Variants in ARID2 observed in about 807,000 individuals in gnomAD.
ARID2 encodes the protein AT-rich interaction domain 2, also known as AT-rich interactive domain-containing protein 2.
In ARID2, 32 loss-of-function variants were observed where a neutral mutation model predicts 184.6. The ratio of observed to expected loss-of-function variants is 0.17; its 90% CI spans 0.13 to 0.23. The LOEUF is 0.23. Ranked by LOEUF, ARID2 falls within the 10% of genes least tolerant of loss-of-function variation. The pLI, the probability that ARID2 is intolerant of heterozygous loss-of-function variation, is 1.00. For missense variants in ARID2, 1,696 were observed against 2,197.6 expected, an observed-to-expected ratio of 0.77 and a Z score of 4.56; for synonymous variants, 836 against 772.6, an observed-to-expected ratio of 1.08 and a Z score of -1.36.
At chr12:45,862,405 G>A (rs1943764605) in intron 16 of ARID2, among the ~76,000 whole-genome samples, 1 of 151,868 alleles carries the variant, frequency 6.6e-6, no homozygotes, top group Non-Finnish European at 1.5e-5. Context: ...TCTTTTTAAG[G>A]TGTATGTTTG....
chr12:45,904,220 TAATG>T (rs1204430082), intron 20 of ARID2: 46 of 581,138 alleles, frequency 7.9e-5, no homozygotes, highest in Middle Eastern at 2.7e-4. Context: ...TGGTTTCACT[TAATG>T]AAGACTAAGA....
intron 3 of ARID2, among the ~76,000 whole-genome samples, chr12:45,787,490 C>T (rs899596684): frequency 1.3e-5 from 2 of 152,030 alleles, no homozygotes; most frequent in Admixed American, 6.6e-5. Context: ...CCACCTTCGC[C>T]TCCCAAAGTG....
intron 3 of ARID2, among the ~76,000 whole-genome samples, chr12:45,744,641 A>G (rs1309007532): frequency 6.6e-6 from 1 of 152,116 alleles, no homozygotes; most frequent in African/African-American, 2.4e-5. Context: ...ATATTTAATA[A>G]TAAGGCAATA....
At chr12:45,901,938 A>G (rs1336752658) in intron 20 of ARID2, among the ~76,000 whole-genome samples, 1 of 152,156 alleles carries the variant, frequency 6.6e-6, no homozygotes, top group African/African-American at 2.4e-5. Flanking sequence ...TCGGCCTCCC[A>G]AAGTGCTGGG....
At chr12:45,744,399 A>G (rs1236402414) in intron 3 of ARID2, among the ~76,000 whole-genome samples, 1 of 151,788 alleles carries the variant, frequency 6.6e-6, no homozygotes, top group Non-Finnish European at 1.5e-5. Flanking sequence ...TTTTTAATCC[A>G]TAGGTATTAT....
chr12:45,905,151 C>T lies in ARID2; in HGVS notation c.*73C>T. 5.4e-6 allele frequency: 8 copies of T among 1,480,780 alleles called. No homozygotes were observed. The South Asian group carries it at 1.0e-4, about 19-fold the overall frequency. The allele number at this position is 1,480,780 out of a possible 1,614,324, so 91.7% of individuals were successfully genotyped here. A position where few individuals can be genotyped will look rare whatever the true frequency, so the allele number is the denominator to read the frequency against. On this transcript the variant is annotated 3_prime_UTR_variant, in exon 21 of 21. Transcript: ENST00000334344. Reference sequence around the variant, plus strand: ...CACATACTGTTACTGAAGAAAGCACCAAGTCTTAATGGAACAAAGACCATA... The same window carrying T: ...CACATACTGTTACTGAAGAAAGCACTAAGTCTTAATGGAACAAAGACCATA...
At chr12:45,821,902 A>G (rs1274332416) in intron 6 of ARID2, among the ~76,000 whole-genome samples, 1 of 152,198 alleles carries the variant, frequency 6.6e-6, no homozygotes, top group Non-Finnish European at 1.5e-5. Context: ...TCTAGAGGAA[A>G]ATTTCTGGGA....
At chr12:45,861,757 GT>G (rs1334822405) in intron 16 of ARID2, among the ~76,000 whole-genome samples, 4 of 145,474 alleles carry the variant, frequency 2.7e-5, no homozygotes, top group Admixed American at 6.9e-5. Flanking sequence ...GCTAATTTTT[GT>G]TTTTTTTTTC....
intron 6 of ARID2, among the ~76,000 whole-genome samples, chr12:45,836,164 A>G (rs1183283472): frequency 6.6e-6 from 1 of 152,228 alleles, no homozygotes; most frequent in Non-Finnish European, 1.5e-5. Flanking sequence ...AACTAAAAAT[A>G]AGTAGAAACA....
At chr12:45,835,912 C>CA (rs1466982573) in intron 6 of ARID2, among the ~76,000 whole-genome samples, 2 of 150,370 alleles carry the variant, frequency 1.3e-5, no homozygotes, top group Admixed American at 6.6e-5. Flanking sequence ...AAAAAAAAAA[C>CA]AAAAACAAAA....
rs751006445 is a variant in ARID2 at position 45,850,220 on chromosome 12, A to G, written c.2097A>G (p.Pro699=). 1.9e-6 allele frequency: 3 copies of G among 1,614,156 alleles called. No homozygotes were observed. Among genetic ancestry groups the G allele is most frequent in the East Asian group, 2.2e-5 (1 of 44,880 alleles). Residue 699 remains proline (P), a synonymous_variant, in exon 15 of 21, where the codon CCA becomes CCG. Transcript: ENST00000334344. The stretch of plus-strand genomic sequence containing the variant: ...ATACCCACCAGCAACAAAATGCTCC[A>G]GTGACTGTCATTCAAAGTAAAGCTC... ...SPHTHQQQNA[P]VTVIQSKAPI... is the part of the protein sequence containing the mutation.
chr12:45,884,833 T>A (rs888293608), intron 16 of ARID2, among the ~76,000 whole-genome samples: 3 of 152,194 alleles, frequency 2.0e-5, no homozygotes, highest in African/African-American at 7.2e-5. Flanking sequence ...AAATACTTGC[T>A]TCCTCCCCTA....
intron 3 of ARID2, among the ~76,000 whole-genome samples, chr12:45,775,614 GTC>G (rs1941961161): frequency 1.3e-5 from 2 of 152,302 alleles, no homozygotes. Flanking sequence ...TATTGGAACT[GTC>G]TGTTTTAAGG....
chr12:45,818,875 T>C (rs1460312664), intron 5 of ARID2, among the ~76,000 whole-genome samples: 2 of 152,136 alleles, frequency 1.3e-5, no homozygotes, highest in Non-Finnish European at 2.9e-5. Flanking sequence ...TAAAAATTAG[T>C]TTCTTAACTT....
chr12:45,751,169 AG>A lies in ARID2; in HGVS notation c.284+19858del, dbSNP rs545196569. Among the ~76,000 whole-genome samples the A allele has an allele frequency of 2.6e-5, 4 of 152,306 alleles. No individual in the cohort carries two copies. The East Asian group carries it at 7.7e-4, about 29-fold the overall frequency. On this transcript the variant is annotated intron_variant, in intron 3 of 20. Coordinates refer to ENST00000334344, the MANE Select transcript of ARID2 (RefSeq NM_152641.4). ...AAAGGGAGATGGCTTTTGCTTGAGT[AG>A]GGTGTTAAATCGTTAGACAAACTGG...
intron 20 of ARID2, chr12:45,904,536 C>G (rs972902930): frequency 3.0e-5 from 13 of 438,218 alleles, no homozygotes; most frequent in African/African-American, 6.2e-5. Flanking sequence ...ACTAAAAATA[C>G]AAAAATTAGC....
At chr12:45,761,296 A>G (rs2070948374) in intron 3 of ARID2, among the ~76,000 whole-genome samples, 1 of 152,168 alleles carries the variant, frequency 6.6e-6, no homozygotes, top group Admixed American at 6.5e-5. Flanking sequence ...TTTTAAGATA[A>G]CAATACATCT....
At chr12:45,867,770 C>A in intron 16 of ARID2, among the ~76,000 whole-genome samples, 1 of 151,180 alleles carries the variant, frequency 6.6e-6, no homozygotes, top group East Asian at 2.0e-4. Context: ...AAAAAAACTT[C>A]TGTACAGATG....
intron 3 of ARID2, among the ~76,000 whole-genome samples, chr12:45,795,086 T>G (rs1942365022): frequency 1.3e-5 from 2 of 152,102 alleles, no homozygotes; most frequent in South Asian, 4.1e-4. Context: ...GGAAGAGTTC[T>G]TAGATTATTC....
Sources: allele counts gnomAD v4.1 joint callset (sites outside exome capture counted in the v4.1 genomes callset), GRCh38; gene constraint gnomAD v4.1.1; transcripts MANE v1.5; gene names NCBI Gene and HGNC (gene_info 2026-07-23, HGNC 2026-07-21).